Variants in TBC1D5 observed in about 807,000 individuals in gnomAD.
TBC1D5 encodes TBC1 domain family member 5, also known as TBC1 domain family, member 5.
TBC1D5 carries 75 observed loss-of-function variants against 100.3 expected under a neutral mutation model. The ratio of observed to expected loss-of-function variants is 0.75; its 90% confidence interval spans 0.62 to 0.91. The LOEUF (loss-of-function observed/expected upper bound fraction) is 0.91. Among genes scored for constraint, TBC1D5 ranks in the 40% least tolerant of loss-of-function variants. The probability of loss-of-function intolerance (pLI) is 0.00; values close to 1 mark genes in which losing one functional copy is unlikely to be tolerated. For synonymous variants in TBC1D5, 323 were observed against 325.6 expected, an observed-to-expected ratio of 0.99 and a Z score of 0.09; for missense variants, 910 against 942.4, an observed-to-expected ratio of 0.97 and a Z score of 0.45.
chr3:17,424,265 G>GT (rs1157959685), intron 4 of TBC1D5, among the ~76,000 whole-genome samples: 3 of 152,162 alleles, frequency 2.0e-5, no homozygotes, highest in Admixed American at 1.3e-4. Context: ...ACAGATTAAT[G>GT]TAATAGTCTG....
chr3:17,458,617 G>A (rs1026947801), intron 3 of TBC1D5, among the ~76,000 whole-genome samples: 8 of 152,172 alleles, frequency 5.3e-5, no homozygotes, highest in Admixed American at 5.2e-4. Context: ...GTCAGTACTT[G>A]TAGGATGCCT....
chr3:17,578,446 T>C (rs2096671387), intron 2 of TBC1D5, among the ~76,000 whole-genome samples: 1 of 152,104 alleles, frequency 6.6e-6, no homozygotes, highest in South Asian at 2.1e-4. Flanking sequence ...AACCCATTTG[T>C]TATCAGATTA....
intron 18 of TBC1D5, among the ~76,000 whole-genome samples, chr3:17,196,031 A>C (rs1353503525): frequency 6.6e-6 from 1 of 152,210 alleles, no homozygotes; most frequent in Non-Finnish European, 1.5e-5. Context: ...CAATACTTGC[A>C]CAACACACAA....
intron 1 of TBC1D5, among the ~76,000 whole-genome samples, chr3:17,674,280 G>A (rs552989866): frequency 2.6e-5 from 4 of 152,158 alleles, no homozygotes; most frequent in African/African-American, 4.8e-5. Flanking sequence ...CATCTATTGC[G>A]AAATAGAAAC....
chr3:17,219,787 G>A (rs570455597), intron 17 of TBC1D5, among the ~76,000 whole-genome samples: 31 of 152,068 alleles, frequency 2.0e-4, no homozygotes, highest in African/African-American at 7.2e-4. Context: ...CATAAAACTC[G>A]CTCTTCTTAC....
At chr3:17,357,686 T>C (rs930086850) in intron 13 of TBC1D5, among the ~76,000 whole-genome samples, 5 of 152,184 alleles carry the variant, frequency 3.3e-5, no homozygotes, top group African/African-American at 1.2e-4. Flanking sequence ...TAAGAAATAT[T>C]TCCTATGCAA....
At chr3:17,546,222 C>A (rs182015519) in intron 2 of TBC1D5, among the ~76,000 whole-genome samples, 1 of 152,244 alleles carries the variant, frequency 6.6e-6, no homozygotes, top group East Asian at 1.9e-4. Context: ...TCATAAAAAA[C>A]CCATAGCTAT....
At chr3:17,316,504 T>C (rs1437439550) in intron 13 of TBC1D5, among the ~76,000 whole-genome samples, 1 of 152,200 alleles carries the variant, frequency 6.6e-6, no homozygotes, top group African/African-American at 2.4e-5. Flanking sequence ...GGACCTTAGG[T>C]TAAGAACTGC....
At chr3:17,470,638 T>C (rs1166454693) in intron 3 of TBC1D5, among the ~76,000 whole-genome samples, 1 of 152,092 alleles carries the variant, frequency 6.6e-6, no homozygotes, top group Non-Finnish European at 1.5e-5. Flanking sequence ...TAAGTGATTT[T>C]TGGATGGGCA....
At chr3:17,452,461 G>C (rs776756623) in intron 3 of TBC1D5, among the ~76,000 whole-genome samples, 2 of 152,090 alleles carry the variant, frequency 1.3e-5, no homozygotes, top group Non-Finnish European at 2.9e-5. Flanking sequence ...AGGATACATA[G>C]AGACTGAAAA....
chr3:17,454,595 G>A (rs1023192986), intron 3 of TBC1D5, among the ~76,000 whole-genome samples: 1 of 152,218 alleles, frequency 6.6e-6, no homozygotes, highest in African/African-American at 2.4e-5. Context: ...GAGTAGCTGG[G>A]ACTACAGGTG....
chr3:17,669,355 G>T (rs1460256491), intron 1 of TBC1D5, among the ~76,000 whole-genome samples: 2 of 152,020 alleles, frequency 1.3e-5, no homozygotes, highest in African/African-American at 2.4e-5. Context: ...CATGAGAATG[G>T]ACTAATACAA....
At chr3:17,375,626 T>C (rs2092678721) in intron 10 of TBC1D5, among the ~76,000 whole-genome samples, 1 of 151,324 alleles carries the variant, frequency 6.6e-6, no homozygotes, top group Non-Finnish European at 1.5e-5. Context: ...AATTTTAGAA[T>C]AACTGAAGTG....
At chr3:17,595,925 C>A (rs768870509) in intron 2 of TBC1D5, among the ~76,000 whole-genome samples, 1 of 152,158 alleles carries the variant, frequency 6.6e-6, no homozygotes. Context: ...GATTCTGACA[C>A]GATACATAGG....
chr3:17,512,615 A>T (rs1365801896), intron 2 of TBC1D5, among the ~76,000 whole-genome samples: 1 of 152,190 alleles, frequency 6.6e-6, no homozygotes, highest in African/African-American at 2.4e-5. Flanking sequence ...AATTATTTTA[A>T]ATAAAAGCAA....
chr3:17,363,558 C>A (rs1485534272), intron 13 of TBC1D5, among the ~76,000 whole-genome samples: 2 of 150,060 alleles, frequency 1.3e-5, no homozygotes. Context: ...TTTTTCTTTC[C>A]TTTTTCTTTC....
At chr3:17,528,396 G>C (rs1239765012) in intron 2 of TBC1D5, among the ~76,000 whole-genome samples, 1 of 152,120 alleles carries the variant, frequency 6.6e-6, no homozygotes, top group Non-Finnish European at 1.5e-5. Flanking sequence ...AATCCCTTAG[G>C]AGAATGCAGT....
chr3:17,658,027 G>C (rs867319520), intron 1 of TBC1D5, among the ~76,000 whole-genome samples: 1 of 152,258 alleles, frequency 6.6e-6, no homozygotes, highest in South Asian at 2.1e-4. Context: ...ATACCATTGT[G>C]TTACAACTGC....
At chr3:17,297,982 TCTGTAAAATGTCATGGAAATGAAGC>T (rs1268559971) in intron 14 of TBC1D5, among the ~76,000 whole-genome samples, 1 of 152,180 alleles carries the variant, frequency 6.6e-6, no homozygotes, top group Non-Finnish European at 1.5e-5. Flanking sequence ...TACCTCCGCA[TCTGTAAAATGTCATGGAAATGAAGC>T]CTGAAAAAAT....
Sources: allele counts gnomAD v4.1 joint callset (sites outside exome capture counted in the v4.1 genomes callset), GRCh38; gene constraint gnomAD v4.1.1; transcripts MANE v1.5; gene names NCBI Gene and HGNC (gene_info 2026-07-23, HGNC 2026-07-21).